HEPH: variants seen among roughly 807,000 people sequenced by gnomAD.
HEPH encodes hephaestin.
In HEPH, 69 loss-of-function variants were observed where a neutral mutation model predicts 80.8. The observed-to-expected ratio is 0.85, with a 90% confidence interval of 0.70 to 1.04. HEPH has a LOEUF of 1.04. Ranked by LOEUF, HEPH falls within the 50% of genes least tolerant of loss-of-function variation. HEPH has a pLI of 0.00. For missense variants in HEPH, 1,115 were observed against 891.3 expected, an observed-to-expected ratio of 1.25 and a Z score of -3.20; for synonymous variants, 431 against 322.8, an observed-to-expected ratio of 1.34 and a Z score of -3.60.
At chrX:66,255,772 A>G (rs1211346189) in intron 16 of HEPH, among the ~76,000 whole-genome samples, 2 of 111,584 alleles carry the variant, frequency 1.8e-5, no homozygotes, top group African/African-American at 3.3e-5. Flanking sequence ...ACATTATGCC[A>G]TCAGATAAGG....
chrX:66,250,071 T>G (rs2090951204), intron 15 of HEPH, among the ~76,000 whole-genome samples: 1 of 110,481 alleles, frequency 9.1e-6, no homozygotes, highest in African/African-American at 3.3e-5. Flanking sequence ...TAGAGGAGAG[T>G]AGGGATCTTC....
intron 13 of HEPH, among the ~76,000 whole-genome samples, chrX:66,205,138 T>A (rs1449303557): frequency 8.9e-6 from 1 of 111,802 alleles, no homozygotes; most frequent in East Asian, 2.8e-4. Context: ...ATTTCAACTT[T>A]TATTTTAGGT....
At chrX:66,204,166 A>G (rs1238087666) in intron 13 of HEPH, among the ~76,000 whole-genome samples, 1 of 111,944 alleles carries the variant, frequency 8.9e-6, no homozygotes, top group African/African-American at 3.2e-5. Context: ...AGCATTGTCT[A>G]TAAGGACACA....
At chrX:66,260,926 A>T (rs748238378) in intron 19 of HEPH, among the ~76,000 whole-genome samples, 1 of 108,908 alleles carries the variant, frequency 9.2e-6, no homozygotes, top group African/African-American at 3.4e-5. Flanking sequence ...GCCACCACAT[A>T]AGGCTAATTT....
Position 66,164,854 on chromosome X carries a change from T to G in HEPH, c.-14+384T>G, listed in dbSNP as rs750379412. On this transcript the variant is annotated intron_variant, in intron 1 of 20. Transcript: ENST00000343002. ...AATAACCATGTTTGGTTTCATATTT[T>G]GAGACCAGATTGGCACAGAGTAAGC... 2.7e-5 allele frequency among the ~76,000 whole-genome samples: 3 copies of G among 112,405 alleles called. No homozygotes were observed. In the South Asian group the frequency reaches 1.1e-3, roughly 42 times the overall value.
In HEPH at chrX:66,243,836, A is replaced by G. The variant is rs981548193; in HGVS notation, c.2564-11199A>G. Among the ~76,000 whole-genome samples, 3 of 112,116 alleles carry G rather than the reference A, an allele frequency of 2.7e-5. 1 individual carries two copies. Among genetic ancestry groups the G allele is most frequent in the Non-Finnish European group, 5.7e-5 (3 of 53,097 alleles). On this transcript the variant is annotated intron_variant, in intron 15 of 20. Coordinates refer to ENST00000343002, the MANE Select transcript of HEPH (RefSeq NM_001367233.3). ...CTTTTCCAGGTTTGGCACTTCCTTA[A>G]TGACCTCTTGTAAGCCAGGTGTGAT...
chrX:66,230,494 A>T (rs1285770246), intron 15 of HEPH, among the ~76,000 whole-genome samples: 6 of 108,173 alleles, frequency 5.5e-5, no homozygotes, highest in African/African-American at 2.1e-4. Context: ...GGTATCTCAT[A>T]GTGGTTTTGA....
At chrX:66,207,079 T>A (rs779102868) in intron 13 of HEPH, 116 bp from the exon 14 acceptor site, 3 of 406,928 alleles carry the variant, frequency 7.4e-6, no homozygotes, top group Non-Finnish European at 1.1e-5. Context: ...GTCCCCCCCC[T>A]TTTTTTTTTC....
intron 2 of HEPH, 114 bp from the exon 3 acceptor site, chrX:66,172,241 C>T (rs1251566613): frequency 4.3e-6 from 3 of 691,530 alleles, no homozygotes; most frequent in Non-Finnish European, 6.2e-6. Flanking sequence ...GCCATTTCCT[C>T]TTGTTTTGTC....
chrX:66,190,549 T>G (rs767820146), intron 6 of HEPH, among the ~76,000 whole-genome samples: 5 of 111,752 alleles, frequency 4.5e-5, no homozygotes, highest in Non-Finnish European at 5.6e-5. Context: ...GTGAAAAACT[T>G]TATATGACTT....
chrX:66,252,772 A>G (rs1380907105), intron 15 of HEPH, among the ~76,000 whole-genome samples: 1 of 112,385 alleles, frequency 8.9e-6, no homozygotes, highest in Non-Finnish European at 1.9e-5. Context: ...GATCAATAGA[A>G]TAGAATTGAA....
At chrX:66,263,994 C>G (rs759726798) in intron 20 of HEPH, among the ~76,000 whole-genome samples, 1 of 110,570 alleles carries the variant, frequency 9.0e-6, no homozygotes, top group African/African-American at 3.3e-5. Flanking sequence ...ATTCTAGATA[C>G]TAGTCGAAAA....
At chrX:66,204,425 G>A (rs902520775) in intron 13 of HEPH, among the ~76,000 whole-genome samples, 1 of 112,147 alleles carries the variant, frequency 8.9e-6, no homozygotes, top group Non-Finnish European at 1.9e-5. Context: ...TACTCTTTGC[G>A]TTGTTCGTTG....
At chrX:66,261,051 G>A (rs942151982) in intron 19 of HEPH, among the ~76,000 whole-genome samples, 3 of 112,106 alleles carry the variant, frequency 2.7e-5, no homozygotes, top group Non-Finnish European at 5.6e-5. Flanking sequence ...TGCTGGGATT[G>A]CAGGCATAAG....
intron 17 of HEPH, among the ~76,000 whole-genome samples, chrX:66,258,215 G>A (rs981749478): frequency 9.0e-6 from 1 of 111,673 alleles, no homozygotes; most frequent in Non-Finnish European, 1.9e-5. Context: ...GGTAAATGTA[G>A]AAGACAATTT....
rs765218019 is a variant in HEPH, at chrX:66,266,704, A to T, written c.*32A>T. The T allele has an allele frequency of 6.0e-5, 63 of 1,044,959 alleles. No individual in the cohort carries two copies. Among genetic ancestry groups the T allele is most frequent in the Non-Finnish European group, 7.8e-5 (59 of 751,830 alleles). The allele number at this position is 1,044,959 out of a possible 1,213,427, so 86.1% of individuals were successfully genotyped here. On this transcript the variant is annotated 3_prime_UTR_variant, in exon 21 of 21. Transcript: ENST00000343002. The stretch of plus-strand genomic sequence containing the variant: ...GAGCCTGGAGATATCCTCAGGAAGC[A>T]CATCTGTAGTGCACTCCCAGCAGGC...
At chrX:66,236,353 C>T (rs2090360973) in intron 15 of HEPH, among the ~76,000 whole-genome samples, 1 of 111,594 alleles carries the variant, frequency 9.0e-6, no homozygotes, top group African/African-American at 3.3e-5. Context: ...AAAGCCTTTC[C>T]TGCATCTATT....
intron 15 of HEPH, among the ~76,000 whole-genome samples, chrX:66,251,213 T>C (rs1219364150): frequency 2.7e-5 from 3 of 112,205 alleles, no homozygotes; most frequent in Non-Finnish European, 5.6e-5. Flanking sequence ...CTTTGGTGGA[T>C]ACCTAGAACT....
chrX:66,216,412 A>T (rs778594055), intron 15 of HEPH, among the ~76,000 whole-genome samples: 1 of 112,107 alleles, frequency 8.9e-6, no homozygotes, highest in East Asian at 2.8e-4. Context: ...ATATCTCAAG[A>T]TTCTTTGCAG....
Sources: gnomAD v4.1 joint callset for allele counts (sites outside exome capture counted in the v4.1 genomes callset) on GRCh38, gnomAD v4.1.1 for gene constraint, MANE v1.5 for transcripts, NCBI Gene and HGNC (gene_info 2026-07-23, HGNC 2026-07-21) for gene names.